NDUFB7: variants seen among roughly 807,000 people sequenced by gnomAD.
NDUFB7 encodes NADH dehydrogenase [ubiquinone] 1 beta subcomplex subunit 7.
In NDUFB7, 18 loss-of-function variants were observed where a neutral mutation model predicts 14.7. The observed-to-expected ratio is 1.22, with a 90% CI of 0.85 to 1.81. The LOEUF (loss-of-function observed/expected upper bound fraction) is 1.81. Among genes scored for constraint, NDUFB7 ranks in the 40% most tolerant of loss-of-function variants. NDUFB7 has a pLI of 0.00. For synonymous variants in NDUFB7, 86 were observed against 76.1 expected (o/e 1.13, Z -0.68); for missense variants, 219 against 195.0 (o/e 1.12, Z -0.73).
At chr19:14,568,291 C>G (rs1333667816) in intron 1 of NDUFB7, among the ~76,000 whole-genome samples, 5 of 152,176 alleles carry the variant, frequency 3.3e-5, no homozygotes, top group Non-Finnish European at 7.3e-5. Context: ...GTGATCCACC[C>G]ACCTTGGCCT....
In NDUFB7 at chr19:14,569,801, CAA is replaced by C. The variant is rs549161780; in HGVS notation, c.112+2086_112+2087del. Among the ~76,000 whole-genome samples the C allele has an allele frequency of 2.2e-4, 34 of 152,308 alleles. 1 individual carries two copies. The South Asian group carries it at 3.3e-3, about 15-fold the overall frequency. On this transcript the variant is annotated intron_variant, in intron 1 of 2. Transcript: ENST00000215565. ...TAGACAGTGTGACCTTTTGACCAAC[CAA>C]AACTGATTGTGTCCCTCCTCTGCTT...
In NDUFB7 at chr19:14,566,198, T is replaced by C. The variant is rs202012552; in HGVS notation, c.349A>G (p.Lys117Glu). ...CCTTTGGCCAACTCTGCCGCCTTCT[T>C]CTCCCGCCGCTTCTTCCGCTGGAGC... ...RLLQRKKRREKKAAELAKGQG... is the reference protein window; with the variant it reads ...RLLQRKKRREEKAAELAKGQG... Residue 117 changes from lysine to glutamate, a missense_variant, in exon 3 of 3, where the codon AAG becomes GAG. Physicochemically the swap from Lys to Glu is moderately conservative, Grantham distance 56. Transcript: ENST00000215565. 65 of 1,613,626 alleles carry C rather than the reference T, an allele frequency of 4.0e-5. No homozygotes were observed. The highest frequency in any genetic ancestry group is 4.2e-6 in the Non-Finnish European group (5 of 1,179,940).
Position 14,566,924 on chromosome 19 carries a change from G to T in NDUFB7, c.122C>A (p.Ala41Asp). The T allele has an allele frequency of 6.3e-7, 1 of 1,583,156 alleles. No homozygotes were observed. The change falls in exon 2 of 3, where the codon GCC becomes GAC. Residue 41 changes from alanine (A) to aspartate (D), a missense_variant. Transcript: ENST00000215565. Reference sequence around the variant, plus strand: ...CGCGTCCATCATCTCCTGCTGTGTGGCCACCATCTCTGCAGGGAGTGGGCG... The same window carrying T: ...CGCGTCCATCATCTCCTGCTGTGTGTCCACCATCTCTGCAGGGAGTGGGCG... ...FPERKEREMV[A>D]TQQEMMDAQL...
Position 14,566,201 on chromosome 19 carries a change from C to G in NDUFB7, c.346G>C (p.Glu116Gln), listed in dbSNP as rs890583158. The change falls in exon 3 of 3, where the codon GAG becomes CAG. Residue 116 changes from glutamate to glutamine, a missense_variant. By Grantham distance (29) the Glu-to-Gln change is conservative (BLOSUM62 2). Transcript: ENST00000215565. ...RRLLQRKKRR[E>Q]KKAAELAKGQ... ...TTGGCCAACTCTGCCGCCTTCTTCT[C>G]CCGCCGCTTCTTCCGCTGGAGCAGC... 2 of 1,613,936 alleles carry G rather than the reference C, an allele frequency of 1.2e-6. No homozygotes were observed. The highest frequency in any genetic ancestry group is 2.7e-5 in the African/African-American group (2 of 74,950).
intron 1 of NDUFB7, among the ~76,000 whole-genome samples, chr19:14,569,834 C>T (rs899912134): frequency 6.6e-6 from 1 of 152,206 alleles, no homozygotes; most frequent in African/African-American, 2.4e-5. Flanking sequence ...TGCTTAGAAG[C>T]TTGGCTCTGC....
chr19:14,568,463 A>G (rs1599515001), intron 1 of NDUFB7, among the ~76,000 whole-genome samples: 1 of 152,114 alleles, frequency 6.6e-6, no homozygotes, highest in South Asian at 2.1e-4. Flanking sequence ...GCTGTTCCCT[A>G]TCTGCACTTG....
rs745789737 is a variant in NDUFB7, at chr19:14,567,157, C to G, written c.113-224G>C. On this transcript the variant is annotated intron_variant, in intron 1 of 2. Coordinates refer to ENST00000215565, the MANE Select transcript of NDUFB7 (RefSeq NM_004146.6). The surrounding 1 kb of genome is among the most constrained non-coding windows in gnomAD (Gnocchi z 5.1). The stretch of plus-strand genomic sequence containing the variant: ...GCAACTCCAGACACCAAGGGCCAGA[C>G]AGGAGAAGGTGGCTCCCCATCACCC... 1.3e-5 allele frequency among the ~76,000 whole-genome samples: 2 copies of G among 152,084 alleles called. No individual in the cohort carries two copies. The highest frequency in any genetic ancestry group is 2.4e-5 in the African/African-American group (1 of 41,396).
Position 14,566,181 on chromosome 19 carries a change from C to T in NDUFB7, c.366G>A (p.Leu122=). Residue 122 remains leucine (L), a synonymous_variant, in exon 3 of 3, where the codon TTG becomes TTA. Transcript: ENST00000215565. ...CTTCCCCGGGTCCCTGGCCTTTGGCCAACTCTGCCGCCTTCTTCTCCCGCC... is the reference window on the plus strand; with the variant it reads ...CTTCCCCGGGTCCCTGGCCTTTGGCTAACTCTGCCGCCTTCTTCTCCCGCC... The part of the protein sequence containing the change: ...KKRREKKAAE[L]AKGQGPGEVD... 1 of 1,613,668 alleles carries T rather than the reference C, an allele frequency of 6.2e-7. No homozygotes were observed. The highest frequency in any genetic ancestry group is 8.5e-7 in the Non-Finnish European group (1 of 1,179,860).
At chr19:14,570,683 T>G in intron 1 of NDUFB7, among the ~76,000 whole-genome samples, 1 of 152,188 alleles carries the variant, frequency 6.6e-6, no homozygotes, top group Non-Finnish European at 1.5e-5. Context: ...GAAGCCTGCT[T>G]TGACACCCCC....
chr19:14,571,527 G>C (rs1241875550), intron 1 of NDUFB7, among the ~76,000 whole-genome samples: 1 of 152,100 alleles, frequency 6.6e-6, no homozygotes, highest in Non-Finnish European at 1.5e-5. Flanking sequence ...AACCCGGGAG[G>C]TGGAGGCTGC....
Position 14,566,285 on chromosome 19 carries a change from G to A in NDUFB7, c.282-20C>T, listed in dbSNP as rs767687390. On this transcript the variant is annotated intron_variant, in intron 2 of 2. Coordinates refer to ENST00000215565, the MANE Select transcript of NDUFB7 (RefSeq NM_004146.6). ...ACATAGCTGGGGGAAAAGCACGAGAGGGGCTGTCAGGGTCCCTGGCCAGGA... is the reference window on the plus strand; with the variant it reads ...ACATAGCTGGGGGAAAAGCACGAGAAGGGCTGTCAGGGTCCCTGGCCAGGA... The A allele has an allele frequency of 1.2e-6, 2 of 1,613,478 alleles. No homozygotes were observed. Among genetic ancestry groups the A allele is most frequent in the South Asian group, 1.1e-5 (1 of 91,090 alleles).
At chr19:14,569,845 C>A (rs1402516616) in intron 1 of NDUFB7, among the ~76,000 whole-genome samples, 1 of 152,146 alleles carries the variant, frequency 6.6e-6, no homozygotes, top group East Asian at 1.9e-4. Flanking sequence ...TTGGCTCTGC[C>A]ACCTCTCTTT....
intron 1 of NDUFB7, among the ~76,000 whole-genome samples, chr19:14,568,067 T>C (rs1363719480): frequency 6.6e-6 from 1 of 152,146 alleles, no homozygotes; most frequent in African/African-American, 2.4e-5. Context: ...TCTTTTGAGA[T>C]GGAGTCTCAC....
At position 14,571,876 on chromosome 19, in the gene NDUFB7, C is replaced by T; in HGVS notation, c.112+13G>A. The T allele has an allele frequency of 1.9e-6, 3 of 1,601,260 alleles. No homozygotes were observed. Among genetic ancestry groups the T allele is most frequent in the South Asian group, 1.1e-5 (1 of 89,160 alleles). ...CCCACGCCCTCTGGCTGCGCCTGCG[C>T]ACTGGGCCTCACCGCGCTCCTTGCG... On this transcript the variant is annotated intron_variant, in intron 1 of 2. Transcript: ENST00000215565.
At chr19:14,571,373 A>G (rs1296168770) in intron 1 of NDUFB7, among the ~76,000 whole-genome samples, 1 of 152,134 alleles carries the variant, frequency 6.6e-6, no homozygotes, top group East Asian at 1.9e-4. Context: ...AGGCGGGCGG[A>G]TCACTTGAGG....
At chr19:14,566,957 A>G in intron 1 of NDUFB7, 24 bp from the exon 2 acceptor site, 1 of 1,557,990 alleles carries the variant, frequency 6.4e-7, no homozygotes, top group Non-Finnish European at 8.7e-7. Flanking sequence ...GCGGGGCTCA[A>G]CCAGGCTGGA....
chr19:14,569,523 G>A (rs1029954825), intron 1 of NDUFB7, among the ~76,000 whole-genome samples: 3 of 152,102 alleles, frequency 2.0e-5, no homozygotes, highest in African/African-American at 7.2e-5. Flanking sequence ...ACCAAGGAAG[G>A]GAAAGAGGTG....
chr19:14,568,750 G>A (rs796537837), intron 1 of NDUFB7, among the ~76,000 whole-genome samples: 7 of 152,308 alleles, frequency 4.6e-5, no homozygotes, highest in African/African-American at 1.7e-4. Context: ...TTGCACGGTA[G>A]TGCACACGGA....
chr19:14,570,619 G>A (rs1485527135), intron 1 of NDUFB7, among the ~76,000 whole-genome samples: 1 of 152,194 alleles, frequency 6.6e-6, no homozygotes, highest in Non-Finnish European at 1.5e-5. Flanking sequence ...TTACAGGCAT[G>A]AGCCACCACG....
Sources: gnomAD v4.1 joint callset for allele counts (sites outside exome capture counted in the v4.1 genomes callset) on GRCh38, gnomAD v4.1.1 for gene constraint, Gnocchi (gnomAD v3.1) non-coding constraint, MANE v1.5 for transcripts, NCBI Gene and HGNC (gene_info 2026-07-23, HGNC 2026-07-21) for gene names.